The following LTBP1 variants were observed in gnomAD, a reference collection of about 807,000 sequenced individuals.
LTBP1 encodes latent transforming growth factor beta binding protein 1.
Under a neutral mutation model 207.6 loss-of-function variants are expected in LTBP1, and 129 were observed. The observed-to-expected ratio is 0.62, with a 90% confidence interval of 0.54 to 0.72. The LOEUF (loss-of-function observed/expected upper bound fraction) is 0.72. Ranked by LOEUF, LTBP1 falls within the 30% of genes least tolerant of loss-of-function variation. LTBP1 has a pLI of 0.00. For synonymous variants in LTBP1, 963 were observed against 833.7 expected (o/e 1.16, Z -2.67); for missense variants, 2,281 against 2,217.2 (o/e 1.03, Z -0.58).
chr2:33,350,636 C>A (rs1428526349), intron 26 of LTBP1, among the ~76,000 whole-genome samples: 3 of 152,158 alleles, frequency 2.0e-5, no homozygotes, highest in Non-Finnish European at 4.4e-5. Context: ...ACTGCCTGGG[C>A]CTTTGGCCAC....
At position 33,158,038 on chromosome 2, in the gene LTBP1, A is replaced by G. The variant is rs191374071; in HGVS notation, c.1201+23078A>G. 2.6e-4 allele frequency among the ~76,000 whole-genome samples: 39 copies of G among 149,992 alleles called. No homozygotes were observed. The East Asian group carries it at 5.7e-3, about 22-fold the overall frequency. On this transcript the variant is annotated intron_variant, in intron 5 of 33. Coordinates refer to ENST00000404816, the MANE Select transcript of LTBP1 (RefSeq NM_206943.4). The stretch of plus-strand genomic sequence containing the variant: ...ATAATCCCAGCTACTTGGGAGGCTG[A>G]GGCAGGAGAGTTGCTTGAACCTGAG...
At chr2:33,011,199 T>A (rs1687629822) in intron 2 of LTBP1, among the ~76,000 whole-genome samples, 2 of 152,300 alleles carry the variant, frequency 1.3e-5, no homozygotes, top group South Asian at 4.1e-4. Context: ...ACAGAAAGTC[T>A]GTACCAGTGT....
At chr2:33,181,327 C>T (rs1228497423) in intron 5 of LTBP1, among the ~76,000 whole-genome samples, 1 of 152,208 alleles carries the variant, frequency 6.6e-6, no homozygotes, top group Non-Finnish European at 1.5e-5. Context: ...AAACAAGGTT[C>T]CAATTCGTGG....
At chr2:33,040,210 G>A (rs974389436) in intron 3 of LTBP1, among the ~76,000 whole-genome samples, 1 of 152,170 alleles carries the variant, frequency 6.6e-6, no homozygotes, top group Non-Finnish European at 1.5e-5. Flanking sequence ...CCTGAAAGCA[G>A]GAGAGGGCTG....
At chr2:33,113,740 G>A (rs181074757) in intron 4 of LTBP1, among the ~76,000 whole-genome samples, 31 of 152,214 alleles carry the variant, frequency 2.0e-4, no homozygotes, top group African/African-American at 6.0e-4. Context: ...AAGTTCATCC[G>A]TGTTGTAGCA....
intron 3 of LTBP1, among the ~76,000 whole-genome samples, chr2:33,048,074 G>C (rs755758025): frequency 7.2e-5 from 11 of 152,120 alleles, no homozygotes; most frequent in Non-Finnish European, 1.2e-4. Flanking sequence ...CATAAATTAA[G>C]AGCCGTAGCA....
intron 2 of LTBP1, among the ~76,000 whole-genome samples, chr2:32,950,861 A>G (rs1676998069): frequency 6.6e-6 from 1 of 152,158 alleles, no homozygotes; most frequent in Non-Finnish European, 1.5e-5. Flanking sequence ...ATAGGCCCCC[A>G]TTTTCAGGTT....
In LTBP1 at chr2:33,188,697, C is replaced by G. The variant is rs1309268623; in HGVS notation, c.1547C>G (p.Pro516Arg). The change falls in exon 7 of 34, where the codon CCA (proline) becomes CGA (arginine). Residue 516 changes from proline (P) to arginine (R), a missense_variant. By Grantham distance (103) the Pro-to-Arg change is moderately radical. Around this residue, in one of 3 missense-constraint regions of LTBP1, gnomAD observed 1,671 missense variants for 1,634.8 expected, o/e 1.02. Transcript: ENST00000404816. ...PTGQKTKEAQ[P>R]GQSQVSYQGL... ...GGCCAGAAGACAAAAGAAGCTCAAC[C>G]AGGCCAATCCCAAGTCTCGTACCAA... is the stretch of plus-strand genomic sequence containing the variant. 1 of 1,614,130 alleles carries G rather than the reference C, an allele frequency of 6.2e-7. No homozygotes were observed. The highest frequency in any genetic ancestry group is 2.2e-5 in the East Asian group (1 of 44,872).
intron 26 of LTBP1, among the ~76,000 whole-genome samples, chr2:33,360,083 G>T (rs899264230): frequency 1.6e-4 from 25 of 152,144 alleles, no homozygotes; most frequent in Non-Finnish European, 3.1e-4. Flanking sequence ...AGTGATGAAA[G>T]GTTATTTAAT....
At chr2:33,356,644 T>C (rs2094865303) in intron 26 of LTBP1, among the ~76,000 whole-genome samples, 1 of 152,102 alleles carries the variant, frequency 6.6e-6, no homozygotes, top group South Asian at 2.1e-4. Flanking sequence ...AGTGAGTCTG[T>C]CTCAAAAAAC....
At chr2:33,152,740 T>C (rs1240280065) in intron 5 of LTBP1, among the ~76,000 whole-genome samples, 1 of 152,236 alleles carries the variant, frequency 6.6e-6, no homozygotes. Flanking sequence ...TTGTATATCT[T>C]CTTTGGAGAA....
Position 33,251,766 on chromosome 2 carries a change from GT to G in LTBP1, c.2000-909del, listed in dbSNP as rs1403679864. Among the ~76,000 whole-genome samples, 5 of 151,938 alleles carry G rather than the reference GT, an allele frequency of 3.3e-5. No homozygotes were observed. In the East Asian group the frequency reaches 9.6e-4, roughly 29 times the overall value. On this transcript the variant is annotated intron_variant, in intron 10 of 33. Transcript: ENST00000404816. ...GGTGATATGATAGAGAAGAGCTTTGGTTGGGTTTGGGGAATGGGCGGCGGGG... is the reference window on the plus strand; with the variant it reads ...GGTGATATGATAGAGAAGAGCTTTGGTGGGTTTGGGGAATGGGCGGCGGGG...
chr2:33,316,370 G>A (rs894950427), intron 24 of LTBP1, among the ~76,000 whole-genome samples: 1 of 152,196 alleles, frequency 6.6e-6, no homozygotes, highest in Admixed American at 6.5e-5. Context: ...GCAACAGGAA[G>A]TATCTGCTCT....
intron 21 of LTBP1, 35 bp downstream of exon 21, chr2:33,300,608 A>G: frequency 6.3e-7 from 1 of 1,592,732 alleles, no homozygotes; most frequent in Non-Finnish European, 8.6e-7. Flanking sequence ...CTGAAACTTC[A>G]GCTTAAAGCA....
chr2:33,100,032 A>G (rs533892576), intron 3 of LTBP1, among the ~76,000 whole-genome samples: 7 of 152,226 alleles, frequency 4.6e-5, no homozygotes, highest in Non-Finnish European at 8.8e-5. Flanking sequence ...CACTACAGCA[A>G]TGCAGTGGGA....
chr2:33,247,329 G>A (rs553066677), intron 10 of LTBP1, among the ~76,000 whole-genome samples: 32 of 152,300 alleles, frequency 2.1e-4, no homozygotes, highest in African/African-American at 7.5e-4. Context: ...TATACATTGG[G>A]AAACTAAAGC....
chr2:33,014,270 TTC>T (rs1553369287), intron 2 of LTBP1, among the ~76,000 whole-genome samples: 6 of 152,194 alleles, frequency 3.9e-5, no homozygotes, highest in Non-Finnish European at 8.8e-5. Flanking sequence ...TAATTTTTTT[TTC>T]TCTTTAGGGA....
intron 3 of LTBP1, 63 bp from the exon 4 acceptor site, chr2:33,110,519 C>G: frequency 1.4e-6 from 2 of 1,468,662 alleles, no homozygotes; most frequent in South Asian, 2.5e-5. Context: ...TTACCCTTTC[C>G]TTATTAGCTG....
At chr2:33,180,235 G>GA (rs1202260655) in intron 5 of LTBP1, among the ~76,000 whole-genome samples, 1 of 152,130 alleles carries the variant, frequency 6.6e-6, no homozygotes, top group East Asian at 1.9e-4. Context: ...GGCAGTTTTA[G>GA]AACACAACAA....
Sources: allele counts gnomAD v4.1 joint callset (sites outside exome capture counted in the v4.1 genomes callset), GRCh38; gene constraint gnomAD v4.1.1; regional missense constraint gnomAD v4.1.1; transcripts MANE v1.5; gene names NCBI Gene and HGNC (gene_info 2026-07-23, HGNC 2026-07-21).